PHACTR2: variants seen among roughly 807,000 people sequenced by gnomAD.
PHACTR2 encodes the protein chromosome 6 open reading frame 56.
PHACTR2 carries 30 observed loss-of-function variants against 76.0 expected under a neutral mutation model. That is an observed-to-expected ratio of 0.39 (90% CI 0.30 to 0.54). The LOEUF (loss-of-function observed/expected upper bound fraction) is 0.54. Among genes scored for constraint, PHACTR2 ranks in the 20% least tolerant of loss-of-function variants. The probability of loss-of-function intolerance (pLI) is 0.61; values close to 1 mark genes in which losing one functional copy is unlikely to be tolerated. For synonymous variants in PHACTR2, 292 were observed against 292.5 expected, an observed-to-expected ratio of 1.00 and a Z score of 0.02; for missense variants, 696 against 781.1, an observed-to-expected ratio of 0.89 and a Z score of 1.30.
intron 11 of PHACTR2, among the ~76,000 whole-genome samples, chr6:143,798,108 C>CT (rs1348345340): frequency 6.6e-6 from 1 of 151,906 alleles, no homozygotes; most frequent in Non-Finnish European, 1.5e-5. Context: ...TGAAGAGGTC[C>CT]TTCATATCCC....
rs1778143134 is a variant in PHACTR2 at position 143,710,155 on chromosome 6, A to G, written c.47-1861A>G. The stretch of plus-strand genomic sequence containing the variant: ...GTGCAGACGTTTGTGGTCTGTGCCC[A>G]TTGGTGTTTCTGGGTTGCTGGCTTC... On this transcript the variant is annotated intron_variant, in intron 1 of 12. Transcript: ENST00000440869. The surrounding 1 kb of genome is among the most constrained non-coding windows in gnomAD (Gnocchi z 4.9). Among the ~76,000 whole-genome samples the G allele has an allele frequency of 6.6e-6, 1 of 152,112 alleles. No individual in the cohort carries two copies. Among genetic ancestry groups the G allele is most frequent in the South Asian group, 2.1e-4 (1 of 4,814 alleles).
intron 2 of PHACTR2, among the ~76,000 whole-genome samples, chr6:143,719,577 T>C (rs986755958): frequency 3.0e-4 from 45 of 149,864 alleles, no homozygotes; most frequent in Non-Finnish European, 5.8e-4. Flanking sequence ...CTTGAACTCC[T>C]GACCTCAGGT....
chr6:143,829,188 C>CTTTT lies in PHACTR2; in HGVS notation c.*5518_*5521dup, dbSNP rs748075314. ...AAGGAGAGATCATACATGAAGAAAGCTTTTTTTTTTTTTTTTTTTTTTGCC... is the reference window on the plus strand; with the variant it reads ...AAGGAGAGATCATACATGAAGAAAGCTTTTTTTTTTTTTTTTTTTTTTTTTTGCC... On this transcript the variant is annotated 3_prime_UTR_variant, in exon 13 of 13. Transcript: ENST00000440869. The CTTTT allele has an allele frequency of 5.2e-4, 37 of 71,640 alleles. No homozygotes were observed. Among genetic ancestry groups the CTTTT allele is most frequent in the East Asian group, 2.9e-3 (7 of 2,444 alleles). 4.4% of individuals were successfully genotyped at this position (71,640 alleles called of 1,614,324 possible).
chr6:143,619,682 T>C lies in PHACTR2; in HGVS notation c.13+11360T>C, dbSNP rs1187958472. Among the ~76,000 whole-genome samples the C allele has an allele frequency of 1.3e-5, 2 of 152,196 alleles. No individual in the cohort carries two copies. The highest frequency in any genetic ancestry group is 4.8e-5 in the African/African-American group (2 of 41,444). On this transcript the variant is annotated intron_variant, in intron 1 of 11. Coordinates refer to the PHACTR2 transcript ENST00000305766. The surrounding 1 kb of genome is among the most constrained non-coding windows in gnomAD (Gnocchi z 4.5). ...TTAAAACTGTACACCCAACTTGTCT[T>C]TAATTTACCACCTGCTGCATGCCTC...
At chr6:143,605,798 A>G (rs897383171), upstream of PHACTR2, among the ~76,000 whole-genome samples, 2 of 152,204 alleles carry the variant, frequency 1.3e-5, no homozygotes, top group African/African-American at 4.8e-5. The surrounding 1 kb of genome is among the most constrained non-coding windows in gnomAD (Gnocchi z 5.0). Context: ...CCTGTGACAA[A>G]ATAGTATTAA....
intron 1 of PHACTR2, among the ~76,000 whole-genome samples, chr6:143,563,387 A>G (rs984702441): frequency 2.4e-4 from 24 of 99,510 alleles, no homozygotes; most frequent in African/African-American, 8.2e-4. Flanking sequence ...ACATGGTGAA[A>G]CCGCATCTCT....
At position 143,740,508 on chromosome 6, in the gene PHACTR2, T is replaced by TGTA. The variant is rs112665368; in HGVS notation, c.215-8477_215-8476insGTA. ...AACTATTACAAAACATCCTTTTAAT[T>TGTA]AAAAAAAAAAAAAAAGGAAAAAATA... On this transcript the variant is annotated intron_variant, in intron 2 of 12. Coordinates refer to ENST00000440869, the MANE Select transcript of PHACTR2 (RefSeq NM_001100164.2). Among the ~76,000 whole-genome samples the TGTA allele has an allele frequency of 2.6e-3, 334 of 128,676 alleles. 2 individuals are homozygous for TGTA. The highest frequency in any genetic ancestry group is 3.3e-3 in the African/African-American group (112 of 34,160). 84.4% of individuals were successfully genotyped at this position (128,676 alleles called of 152,430 possible). A position where few individuals can be genotyped will look rare whatever the true frequency, so the allele number is the denominator to read the frequency against.
chr6:143,661,199 A>G (rs1776941364), intron 1 of PHACTR2, among the ~76,000 whole-genome samples: 1 of 152,258 alleles, frequency 6.6e-6, no homozygotes, highest in African/African-American at 2.4e-5. Flanking sequence ...TATCACCTAA[A>G]GTCACAGACC....
chr6:143,769,357 C>T lies in PHACTR2; in HGVS notation c.1233-2901C>T, dbSNP rs559035453. 2.6e-5 allele frequency among the ~76,000 whole-genome samples: 4 copies of T among 151,914 alleles called. No individual in the cohort carries two copies. In the South Asian group the frequency reaches 6.2e-4, roughly 24 times the overall value. ...ATATTGTCCAGTGTGCCCAGGAACC[C>T]GAGGGGGAAAAATGAGGGGTAAGTC... On this transcript the variant is annotated intron_variant, in intron 6 of 12. Coordinates refer to ENST00000440869, the MANE Select transcript of PHACTR2 (RefSeq NM_001100164.2).
At chr6:143,643,323 G>A (rs182864317) in intron 1 of PHACTR2, among the ~76,000 whole-genome samples, 174 of 152,194 alleles carry the variant, frequency 1.1e-3, no homozygotes, top group African/African-American at 4.0e-3. Context: ...TTAGTGGTTC[G>A]ATTTAGAAAT....
In PHACTR2 at chr6:143,591,558, G is replaced by A. The variant is rs768184197; in HGVS notation, c.217+54351G>A. Among the ~76,000 whole-genome samples, 15 of 152,162 alleles carry A rather than the reference G, an allele frequency of 9.9e-5. No homozygotes were observed. The highest frequency in any genetic ancestry group is 3.2e-3 in the Middle Eastern group (1 of 316). On this transcript the variant is annotated intron_variant, in intron 1 of 11. Coordinates refer to the PHACTR2 transcript ENST00000367584. This position sits in a 1 kb window ranked among gnomAD's most constrained non-coding sequence, Gnocchi z 6.4. ...AGCATGAACACAGCCCAGAGAGGCC[G>A]CAGACCTGAGGCTGCTGTGAGTTCA...
At chr6:143,778,107 T>G (rs1209786727) in intron 9 of PHACTR2, among the ~76,000 whole-genome samples, 1 of 152,226 alleles carries the variant, frequency 6.6e-6, no homozygotes, top group African/African-American at 2.4e-5. Context: ...AACGGATATT[T>G]TTAAATTGAG....
chr6:143,687,025 C>T (rs1017265939), intron 1 of PHACTR2, among the ~76,000 whole-genome samples: 1 of 152,076 alleles, frequency 6.6e-6, no homozygotes, highest in African/African-American at 2.4e-5. Context: ...AAACATTGGT[C>T]CCAATATAGC....
At chr6:143,614,891 A>T (rs1776037441) in intron 1 of PHACTR2, among the ~76,000 whole-genome samples, 1 of 152,224 alleles carries the variant, frequency 6.6e-6, no homozygotes, top group South Asian at 2.1e-4. Flanking sequence ...TCCAAATGTA[A>T]CAATTCACAT....
chr6:143,539,504 G>A lies in PHACTR2; in HGVS notation c.217+2297G>A, dbSNP rs9496658. ...GCAGCCTCTGTAAGCCATGCAGGAT[G>A]GATCTGAGAATCAGCAAGATGACTG... On this transcript the variant is annotated intron_variant, in intron 1 of 11. Coordinates refer to the PHACTR2 transcript ENST00000367584. This position sits in a 1 kb window ranked among gnomAD's most constrained non-coding sequence, Gnocchi z 4.3. Among the ~76,000 whole-genome samples the A allele has an allele frequency of 7.0e-3, 1,068 of 152,282 alleles. 14 individuals carry two copies. The highest frequency in any genetic ancestry group is 0.021 in the African/African-American group (891 of 41,558).
rs771146770 is a variant in PHACTR2, at chr6:143,598,330, G to A, written c.217+61123G>A. On this transcript the variant is annotated intron_variant, in intron 1 of 11. Coordinates refer to the PHACTR2 transcript ENST00000367584. The surrounding 1 kb of genome is among the most constrained non-coding windows in gnomAD (Gnocchi z 4.1). ...TGAAGACAAATTTTGGAGCAATGAG[G>A]CTGTAACCAAAGAATGCAACTGAGC... Among the ~76,000 whole-genome samples, 8 of 152,122 alleles carry A rather than the reference G, an allele frequency of 5.3e-5. No homozygotes were observed. Among genetic ancestry groups the A allele is most frequent in the Non-Finnish European group, 7.4e-5 (5 of 68,022 alleles).
rs201395431 is a variant in PHACTR2, at chr6:143,682,791, T to G, written c.46+4582T>G. Among the ~76,000 whole-genome samples, 29 of 79,048 alleles carry G rather than the reference T, an allele frequency of 3.7e-4. No homozygotes were observed. In the East Asian group the frequency reaches 4.9e-3, roughly 13 times the overall value. 51.9% of individuals were successfully genotyped at this position (79,048 alleles called of 152,430 possible). A position where few individuals can be genotyped will look rare whatever the true frequency, so the allele number is the denominator to read the frequency against. On this transcript the variant is annotated intron_variant, in intron 1 of 12. Coordinates refer to ENST00000440869, the MANE Select transcript of PHACTR2 (RefSeq NM_001100164.2). The stretch of plus-strand genomic sequence containing the variant: ...TTGTTTTTTTGTTTTTTGTTTTTTG[T>G]TTTTTTTTACCATTAACTGTGCTAT...
At chr6:143,720,229 T>TATGTCA in intron 2 of PHACTR2, among the ~76,000 whole-genome samples, 1 of 152,142 alleles carries the variant, frequency 6.6e-6, no homozygotes, top group Non-Finnish European at 1.5e-5. Context: ...CTCATAGATT[T>TATGTCA]TAGTGACATA....
At chr6:143,600,796 G>C (rs1314899885) in intron 1 of PHACTR2, among the ~76,000 whole-genome samples, 1 of 152,230 alleles carries the variant, frequency 6.6e-6, no homozygotes, top group Non-Finnish European at 1.5e-5. Flanking sequence ...CATTTCATTA[G>C]TCAAATTGAG....
Sources: gnomAD v4.1 joint callset for allele counts (sites outside exome capture counted in the v4.1 genomes callset) on GRCh38, gnomAD v4.1.1 for gene constraint, Gnocchi (gnomAD v3.1) non-coding constraint, MANE v1.5 for transcripts, NCBI Gene and HGNC (gene_info 2026-07-23, HGNC 2026-07-21) for gene names.